RHOT1: variants seen among roughly 807,000 people sequenced by gnomAD.
The protein encoded by RHOT1 is mitochondrial Rho GTPase 1.
In RHOT1, 27 loss-of-function variants were observed where a neutral mutation model predicts 95.3. The ratio of observed to expected loss-of-function variants is 0.28; its 90% confidence interval spans 0.21 to 0.39. RHOT1 has a LOEUF of 0.39. Among genes scored for constraint, RHOT1 ranks in the 10% least tolerant of loss-of-function variants. RHOT1 has a pLI of 1.00. For synonymous variants in RHOT1, 227 were observed against 263.5 expected (o/e 0.86, Z 1.34); for missense variants, 578 against 786.7 (o/e 0.73, Z 3.17).
At chr17:32,153,445 G>T (rs1009019285) in intron 1 of RHOT1, among the ~76,000 whole-genome samples, 1 of 152,178 alleles carries the variant, frequency 6.6e-6, no homozygotes, top group Admixed American at 6.5e-5. Context: ...GATAGCTTGA[G>T]GCTAGAAGTT....
chr17:32,162,711 A>G (rs1457964718), intron 1 of RHOT1, among the ~76,000 whole-genome samples: 1 of 152,188 alleles, frequency 6.6e-6, no homozygotes, highest in African/African-American at 2.4e-5. Flanking sequence ...TCACTATCCA[A>G]GTGTTTCCAA....
rs71362808 is a variant in RHOT1 at position 32,199,943 on chromosome 17, CT to C, written c.1100+410del. ...TGTTATTGTTTGTTTTTAATGAACT[CT>C]TTTTTTTTTTTTTTTTGAGATGGAG... On this transcript the variant is annotated intron_variant, in intron 13 of 19. Coordinates refer to ENST00000545287, the MANE Select transcript of RHOT1 (RefSeq NM_001033566.3). Among the ~76,000 whole-genome samples the C allele has an allele frequency of 2.7e-3, 352 of 128,696 alleles. 2 individuals carry two copies. Among genetic ancestry groups the C allele is most frequent in the East Asian group, 0.013 (58 of 4,594 alleles). The allele number at this position is 128,696 out of a possible 152,430, so 84.4% of individuals were successfully genotyped here.
chr17:32,163,809 G>A (rs910092993), intron 1 of RHOT1, among the ~76,000 whole-genome samples: 1 of 152,192 alleles, frequency 6.6e-6, no homozygotes, highest in South Asian at 2.1e-4. Flanking sequence ...ACAATGTAAT[G>A]TAAAAGTAGA....
At chr17:32,167,255 C>T (rs960856345) in intron 1 of RHOT1, among the ~76,000 whole-genome samples, 12 of 151,612 alleles carry the variant, frequency 7.9e-5, no homozygotes, top group African/African-American at 2.9e-4. Flanking sequence ...ATAAACCATT[C>T]TGTAAACAAA....
chr17:32,195,304 C>T (rs2036796516), intron 11 of RHOT1, among the ~76,000 whole-genome samples: 1 of 152,034 alleles, frequency 6.6e-6, no homozygotes, highest in South Asian at 2.1e-4. Flanking sequence ...TGTAGAAAAG[C>T]GGTCTCACTA....
At chr17:32,204,405 C>G (rs1387702544) in intron 16 of RHOT1, among the ~76,000 whole-genome samples, 1 of 151,708 alleles carries the variant, frequency 6.6e-6, no homozygotes, top group Non-Finnish European at 1.5e-5. Context: ...ACAAAATTAG[C>G]CGGGCATGGT....
chr17:32,223,077 A>AT (rs898920976), intron 19 of RHOT1, among the ~76,000 whole-genome samples: 138 of 147,404 alleles, frequency 9.4e-4, no homozygotes, highest in African/African-American at 2.1e-3. Context: ...GTGAGGAGTG[A>AT]TTTTTTTTTT....
Position 32,171,127 on chromosome 17 carries a change from A to C in RHOT1, c.96+26A>C, listed in dbSNP as rs1598343979. On this transcript the variant is annotated intron_variant, in intron 2 of 19. Transcript: ENST00000545287. ...GTAAACATTTTGATTTCCATATTTA[A>C]ATTTTAAAAAATTTATCAAAATCAA... 1.1e-5 allele frequency: 16 copies of C among 1,418,882 alleles called. No individual in the cohort carries two copies. In the East Asian group the frequency reaches 3.6e-4, roughly 32 times the overall value. 87.9% of individuals were successfully genotyped at this position (1,418,882 alleles called of 1,614,324 possible). A position where few individuals can be genotyped will look rare whatever the true frequency, so the allele number is the denominator to read the frequency against.
intron 1 of RHOT1, 163 bp downstream of exon 1, chr17:32,142,892 C>T: frequency 1.3e-6 from 1 of 757,710 alleles, no homozygotes. Flanking sequence ...CTTCCAGCCC[C>T]TTCACTCTTC....
chr17:32,205,404 C>T (rs1475608221), intron 16 of RHOT1, among the ~76,000 whole-genome samples: 4 of 152,058 alleles, frequency 2.6e-5, no homozygotes, highest in Non-Finnish European at 4.4e-5. Flanking sequence ...ATTTCCTGTA[C>T]TATTGACTAG....
Position 32,203,944 on chromosome 17 carries a change from T to C in RHOT1, c.1387T>C (p.Tyr463His), listed in dbSNP as rs1276848682. 1.2e-6 allele frequency: 2 copies of C among 1,612,028 alleles called. No individual in the cohort carries two copies. Among genetic ancestry groups the C allele is most frequent in the Admixed American group, 3.3e-5 (2 of 59,904 alleles). Residue 463 changes from tyrosine to histidine, a missense_variant, in exon 16 of 20, where the codon TAT (tyrosine) becomes CAT (histidine). Tyr to His is a moderately conservative substitution (Grantham distance 83). Coordinates refer to ENST00000545287, the MANE Select transcript of RHOT1 (RefSeq NM_001033566.3). ...HKSYYAINTV[Y>H]VYGQEKYLLL... ...ATCCTACTATGCGATTAACACTGTTTATGTATATGGACAAGAGAAATACTT... is the reference window on the plus strand; with the variant it reads ...ATCCTACTATGCGATTAACACTGTTCATGTATATGGACAAGAGAAATACTT...
intron 1 of RHOT1, among the ~76,000 whole-genome samples, chr17:32,169,576 T>C (rs933916698): frequency 2.0e-5 from 3 of 152,228 alleles, no homozygotes; most frequent in Admixed American, 2.0e-4. Context: ...TTTATGAGGA[T>C]GTAAATTGGT....
At chr17:32,202,242 C>G (rs2037378098) in intron 14 of RHOT1, among the ~76,000 whole-genome samples, 1 of 152,142 alleles carries the variant, frequency 6.6e-6, no homozygotes, top group Non-Finnish European at 1.5e-5. Context: ...GGAAGGGATG[C>G]TTGCTGTCCC....
At chr17:32,184,371 G>A (rs538083280) in intron 8 of RHOT1, among the ~76,000 whole-genome samples, 4 of 151,934 alleles carry the variant, frequency 2.6e-5, no homozygotes, top group Admixed American at 6.5e-5. Flanking sequence ...TTTACTTAGC[G>A]TAATATTTCC....
intron 1 of RHOT1, among the ~76,000 whole-genome samples, chr17:32,155,725 A>T (rs1287352232): frequency 3.3e-5 from 5 of 151,142 alleles, no homozygotes. Flanking sequence ...TATTTTCTGT[A>T]GACATAGGGT....
intron 16 of RHOT1, among the ~76,000 whole-genome samples, chr17:32,204,358 C>T (rs1382303037): frequency 6.6e-6 from 1 of 151,724 alleles, no homozygotes; most frequent in African/African-American, 2.4e-5. Context: ...TGAGACCAGC[C>T]TGACCAACAT....
intron 19 of RHOT1, among the ~76,000 whole-genome samples, chr17:32,222,536 G>T (rs1454215559): frequency 6.6e-6 from 1 of 151,772 alleles, no homozygotes; most frequent in African/African-American, 2.4e-5. Flanking sequence ...TGGAGTGGGT[G>T]TGTGTGTGTG....
chr17:32,149,254 T>C (rs943773841), intron 1 of RHOT1, among the ~76,000 whole-genome samples: 2 of 151,666 alleles, frequency 1.3e-5, no homozygotes, highest in African/African-American at 4.8e-5. Context: ...TTATTTGTTA[T>C]AAGTTTTATT....
intron 4 of RHOT1, 45 bp downstream of exon 4, chr17:32,175,407 A>G (rs758787780): frequency 2.0e-6 from 3 of 1,528,824 alleles, no homozygotes; most frequent in Non-Finnish European, 2.7e-6. Context: ...GTAGAAAAAC[A>G]GTGATGATTT....
Sources: gnomAD v4.1 joint callset for allele counts (sites outside exome capture counted in the v4.1 genomes callset) on GRCh38, gnomAD v4.1.1 for gene constraint, MANE v1.5 for transcripts, NCBI Gene and HGNC (gene_info 2026-07-23, HGNC 2026-07-21) for gene names.